NCALD: variants seen among roughly 807,000 people sequenced by gnomAD.
The protein encoded by NCALD is neurocalcin delta.
Under a neutral mutation model 18.6 loss-of-function variants are expected in NCALD, and 10 were observed. That is an observed-to-expected ratio of 0.54 (90% CI 0.33 to 0.91). NCALD has a LOEUF of 0.91. NCALD is among the 40% of genes least tolerant of loss of function. NCALD has a pLI of 0.03. For missense variants in NCALD, 184 were observed against 247.6 expected, an observed-to-expected ratio of 0.74 and a Z score of 1.72; for synonymous variants, 88 against 87.4, an observed-to-expected ratio of 1.01 and a Z score of -0.04.
intron 1 of NCALD, among the ~76,000 whole-genome samples, chr8:101,777,053 C>T (rs902387329): frequency 5.3e-5 from 8 of 152,132 alleles, no homozygotes; most frequent in Admixed American, 3.9e-4. Flanking sequence ...TCCCAGTTTG[C>T]CACTGGGCCT....
chr8:101,802,899 C>CTAAA (rs1812922519), intron 4 of NCALD, among the ~76,000 whole-genome samples: 1 of 99,608 alleles, frequency 1.0e-5, no homozygotes. Context: ...TGCTGCTGCT[C>CTAAA]AAAAAAAAAA....
chr8:102,001,042 T>TAGAGAGA (rs1346707729), intron 2 of NCALD, among the ~76,000 whole-genome samples: 1 of 152,052 alleles, frequency 6.6e-6, no homozygotes, highest in African/African-American at 2.4e-5. Flanking sequence ...CTTTGATGAG[T>TAGAGAGA]AGAGAGAAGA....
At chr8:101,838,466 T>C (rs1814505270) in intron 4 of NCALD, among the ~76,000 whole-genome samples, 1 of 152,184 alleles carries the variant, frequency 6.6e-6, no homozygotes, top group Non-Finnish European at 1.5e-5. Flanking sequence ...GTGATCTGCC[T>C]GCCTTGGCCT....
intron 1 of NCALD, among the ~76,000 whole-genome samples, chr8:102,117,218 T>A (rs1356386135): frequency 6.6e-6 from 1 of 152,190 alleles, no homozygotes; most frequent in East Asian, 1.9e-4. Context: ...GAAACAAATA[T>A]AAGCTTACAG....
chr8:101,888,123 C>T (rs1196462151), intron 3 of NCALD, among the ~76,000 whole-genome samples: 1 of 152,138 alleles, frequency 6.6e-6, no homozygotes, highest in East Asian at 1.9e-4. Context: ...ATGGCTTAAA[C>T]TAGTCAAGGC....
intron 4 of NCALD, among the ~76,000 whole-genome samples, chr8:101,881,023 C>T (rs1278467392): frequency 6.6e-6 from 1 of 152,098 alleles, no homozygotes; most frequent in Non-Finnish European, 1.5e-5. Flanking sequence ...ACAAAAGAAA[C>T]TCTATTTTAC....
At chr8:101,996,192 G>A (rs2132004586) in intron 2 of NCALD, among the ~76,000 whole-genome samples, 1 of 152,324 alleles carries the variant, frequency 6.6e-6, no homozygotes, top group Middle Eastern at 3.4e-3. Flanking sequence ...GAGACCTGAA[G>A]AGAATTCTAA....
rs151168680 is a variant in NCALD at position 102,065,645 on chromosome 8, G to A, written c.-209-45356C>T. Among the ~76,000 whole-genome samples, 225 of 152,236 alleles carry A rather than the reference G, an allele frequency of 1.5e-3. 2 individuals are homozygous for A. Among genetic ancestry groups the A allele is most frequent in the African/African-American group, 5.1e-3 (212 of 41,518 alleles). On this transcript the variant is annotated intron_variant, in intron 1 of 6. Transcript: ENST00000311028. The stretch of plus-strand genomic sequence containing the variant: ...AGGGCTACAGGAATTTGCTATTGGA[G>A]GCATTAATATTACAAATATCACAGC...
At chr8:101,941,848 T>C (rs1483697066) in intron 2 of NCALD, among the ~76,000 whole-genome samples, 1 of 152,196 alleles carries the variant, frequency 6.6e-6, no homozygotes, top group Non-Finnish European at 1.5e-5. Context: ...GCCAAATGGC[T>C]TCAAATTAGA....
intron 2 of NCALD, among the ~76,000 whole-genome samples, chr8:102,013,648 T>C (rs1412429493): frequency 6.6e-6 from 1 of 151,630 alleles, no homozygotes; most frequent in Non-Finnish European, 1.5e-5. Flanking sequence ...TGGTCCCAAA[T>C]TGAACAAGAT....
intron 4 of NCALD, among the ~76,000 whole-genome samples, chr8:101,796,418 T>C (rs1812640708): frequency 6.6e-6 from 1 of 152,132 alleles, no homozygotes; most frequent in Admixed American, 6.5e-5. Context: ...ACAGGGACTT[T>C]AAAATAACTC....
At chr8:101,706,864 AG>A in intron 2 of NCALD, among the ~76,000 whole-genome samples, 1 of 152,238 alleles carries the variant, frequency 6.6e-6, no homozygotes, top group East Asian at 1.9e-4. Flanking sequence ...TTTAAGCCAT[AG>A]TGTGATTTGC....
intron 1 of NCALD, among the ~76,000 whole-genome samples, chr8:102,086,793 T>A (rs1824751917): frequency 1.3e-5 from 2 of 152,214 alleles, no homozygotes; most frequent in East Asian, 1.9e-4. Flanking sequence ...AGTCACAGGA[T>A]GAGATAGGAG....
chr8:102,045,785 CT>C (rs1390278166), intron 1 of NCALD, among the ~76,000 whole-genome samples: 1 of 152,202 alleles, frequency 6.6e-6, no homozygotes, highest in Admixed American at 6.5e-5. Context: ...CTTCATTTCA[CT>C]TTTTAAATGT....
intron 4 of NCALD, among the ~76,000 whole-genome samples, chr8:101,880,426 GGCCTT>G (rs1816442378): frequency 6.6e-6 from 1 of 152,148 alleles, no homozygotes; most frequent in Non-Finnish European, 1.5e-5. Flanking sequence ...AGCTGGCTCT[GGCCTT>G]GGCCAGCCCG....
chr8:102,089,719 T>C (rs1302909215), intron 1 of NCALD, among the ~76,000 whole-genome samples: 1 of 152,054 alleles, frequency 6.6e-6, no homozygotes, highest in Non-Finnish European at 1.5e-5. Flanking sequence ...TGGCCTAAAC[T>C]AAAGGATTAA....
intron 4 of NCALD, among the ~76,000 whole-genome samples, chr8:101,826,033 A>G (rs1813923649): frequency 6.6e-6 from 1 of 152,218 alleles, no homozygotes; most frequent in Admixed American, 6.5e-5. Context: ...ATCAAAGTTC[A>G]TTGAAAATAT....
intron 1 of NCALD, among the ~76,000 whole-genome samples, chr8:101,779,426 AGAG>A (rs1218145124): frequency 2.0e-5 from 3 of 152,232 alleles, no homozygotes; most frequent in African/African-American, 7.2e-5. Flanking sequence ...TCTCCAGGTC[AGAG>A]AAGACAAAGA....
intron 2 of NCALD, among the ~76,000 whole-genome samples, chr8:101,948,852 G>A (rs958202364): frequency 1.3e-5 from 2 of 152,088 alleles, no homozygotes; most frequent in African/African-American, 2.4e-5. Flanking sequence ...TAGCTTCCTG[G>A]GCCTCAGTTT....
Sources: gnomAD v4.1 joint callset for allele counts (sites outside exome capture counted in the v4.1 genomes callset) on GRCh38, gnomAD v4.1.1 for gene constraint, MANE v1.5 for transcripts, NCBI Gene and HGNC (gene_info 2026-07-23, HGNC 2026-07-21) for gene names.